The following COG5 variants were observed in gnomAD, a reference collection of about 807,000 sequenced individuals.
The protein encoded by COG5 is conserved oligomeric Golgi complex subunit 5.
In COG5, 86 loss-of-function variants were observed where a neutral mutation model predicts 110.4. The ratio of observed to expected loss-of-function variants is 0.78; its 90% CI spans 0.65 to 0.93. COG5 has a LOEUF of 0.93. Ranked by LOEUF, COG5 falls within the 40% of genes least tolerant of loss-of-function variation. COG5 has a pLI of 0.00. For synonymous variants in COG5, 360 were observed against 334.6 expected (o/e 1.08, Z -0.83); for missense variants, 1,077 against 987.0 (o/e 1.09, Z -1.22).
intron 7 of COG5, among the ~76,000 whole-genome samples, chr7:107,386,243 T>C (rs868116634): frequency 5.3e-5 from 7 of 131,512 alleles, no homozygotes; most frequent in South Asian, 2.6e-4. Context: ...CGCAGGTATA[T>C]GATTGCTCTC....
chr7:107,380,872 G>T (rs1281993137), intron 7 of COG5, among the ~76,000 whole-genome samples: 1 of 152,034 alleles, frequency 6.6e-6, no homozygotes, highest in Non-Finnish European at 1.5e-5. Context: ...AAAATTTCAG[G>T]CCAATATCCC....
chr7:107,221,679 G>A (rs1375191230), intron 19 of COG5, among the ~76,000 whole-genome samples: 1 of 151,678 alleles, frequency 6.6e-6, no homozygotes, highest in Non-Finnish European at 1.5e-5. Flanking sequence ...GCAGGAGAAT[G>A]GCGTGAACCT....
chr7:107,410,511 C>T (rs564379348), intron 7 of COG5, among the ~76,000 whole-genome samples: 12 of 152,050 alleles, frequency 7.9e-5, no homozygotes, highest in Non-Finnish European at 1.6e-4. Flanking sequence ...GGCAGGATCT[C>T]GGCTCACCGC....
intron 6 of COG5, among the ~76,000 whole-genome samples, chr7:107,520,049 A>G (rs1022778114): frequency 6.6e-6 from 1 of 152,138 alleles, no homozygotes; most frequent in Non-Finnish European, 1.5e-5. Context: ...AAAAAACATA[A>G]GATTACCTCA....
At chr7:107,499,807 G>C (rs932856184) in intron 6 of COG5, among the ~76,000 whole-genome samples, 6 of 152,150 alleles carry the variant, frequency 3.9e-5, no homozygotes, top group African/African-American at 1.4e-4. Flanking sequence ...TCAAAGTTTA[G>C]AAGTAGGGAT....
intron 18 of COG5, among the ~76,000 whole-genome samples, chr7:107,233,105 C>A (rs925535125): frequency 2.0e-5 from 3 of 152,090 alleles, no homozygotes; most frequent in African/African-American, 7.3e-5. Context: ...TAAAGGGCAC[C>A]AGAAGACCTA....
At chr7:107,368,977 T>A (rs957935747) in intron 8 of COG5, among the ~76,000 whole-genome samples, 1 of 152,174 alleles carries the variant, frequency 6.6e-6, no homozygotes, top group African/African-American at 2.4e-5. Flanking sequence ...TGTAGTTTGT[T>A]TTTAAGAGAC....
intron 6 of COG5, among the ~76,000 whole-genome samples, chr7:107,492,336 C>T (rs1286335411): frequency 1.3e-5 from 2 of 152,042 alleles, no homozygotes; most frequent in Non-Finnish European, 2.9e-5. Flanking sequence ...GTATTAGTTT[C>T]TTATTGCTAC....
chr7:107,522,385 T>G (rs1252014697), intron 6 of COG5, among the ~76,000 whole-genome samples: 1 of 152,100 alleles, frequency 6.6e-6, no homozygotes, highest in Admixed American at 6.5e-5. Flanking sequence ...AGAGAGTCGC[T>G]TGAACCCAGG....
chr7:107,562,581 G>C (rs768204479), intron 1 of COG5, among the ~76,000 whole-genome samples: 3 of 152,184 alleles, frequency 2.0e-5, no homozygotes, highest in Non-Finnish European at 4.4e-5. Context: ...AATTGCACGT[G>C]TATCAGGAGC....
At chr7:107,362,196 G>T in intron 9 of COG5, 86 bp from the exon 10 acceptor site, 1 of 1,318,170 alleles carries the variant, frequency 7.6e-7, no homozygotes, top group African/African-American at 1.5e-5. Flanking sequence ...TCATCAGCTA[G>T]TGGAGGTATT....
At chr7:107,415,754 ATATG>A (rs1336695286) in intron 6 of COG5, among the ~76,000 whole-genome samples, 2 of 144,552 alleles carry the variant, frequency 1.4e-5, no homozygotes, top group African/African-American at 2.6e-5. Context: ...ATGTATGTAT[ATATG>A]TATGTGTGTA....
intron 6 of COG5, chr7:107,471,423 T>C (rs1011411037): frequency 1.3e-5 from 2 of 152,042 alleles, no homozygotes; most frequent in African/African-American, 2.4e-5. Flanking sequence ...AAGAATGCAA[T>C]TGACTGAGCA....
chr7:107,473,549 G>A (rs534220071), intron 6 of COG5, among the ~76,000 whole-genome samples: 1 of 151,986 alleles, frequency 6.6e-6, no homozygotes, highest in African/African-American at 2.4e-5. Context: ...TGTACCATTT[G>A]TCATTTTAAA....
intron 6 of COG5, among the ~76,000 whole-genome samples, chr7:107,433,832 C>T (rs1460877694): frequency 2.0e-5 from 3 of 152,000 alleles, no homozygotes; most frequent in Non-Finnish European, 4.4e-5. Context: ...TACATCAAAA[C>T]GTAAAATTTC....
intron 11 of COG5, among the ~76,000 whole-genome samples, chr7:107,310,319 T>C (rs907230007): frequency 6.6e-6 from 1 of 152,214 alleles, no homozygotes; most frequent in African/African-American, 2.4e-5. Flanking sequence ...AGAAGTGGAA[T>C]AAAAAGCTCA....
chr7:107,224,825 C>T (rs763454530), intron 19 of COG5, among the ~76,000 whole-genome samples: 1 of 152,214 alleles, frequency 6.6e-6, no homozygotes, highest in South Asian at 2.1e-4. Flanking sequence ...GGGCAAATCA[C>T]TAATGTCAAA....
intron 7 of COG5, among the ~76,000 whole-genome samples, chr7:107,375,448 T>C (rs1050346944): frequency 2.6e-5 from 4 of 152,028 alleles, no homozygotes; most frequent in South Asian, 2.1e-4. Flanking sequence ...TACAAAGCCA[T>C]TGCAGCAATT....
chr7:107,282,793 G>A (rs986444654), intron 13 of COG5, among the ~76,000 whole-genome samples: 3 of 152,232 alleles, frequency 2.0e-5, no homozygotes, highest in African/African-American at 2.4e-5. Flanking sequence ...GATTACAGGC[G>A]TGAGCCACCA....
Sources: allele counts gnomAD v4.1 joint callset (sites outside exome capture counted in the v4.1 genomes callset), GRCh38; gene constraint gnomAD v4.1.1; transcripts MANE v1.5; gene names NCBI Gene and HGNC (gene_info 2026-07-23, HGNC 2026-07-21).